PARD3: variants seen among roughly 807,000 people sequenced by gnomAD.
PARD3 encodes partitioning defective 3 homolog.
In PARD3, 75 loss-of-function variants were observed where a neutral mutation model predicts 155.4. The observed-to-expected ratio is 0.48, with a 90% CI of 0.40 to 0.58. The LOEUF is 0.58. Ranked by LOEUF, PARD3 falls within the 20% of genes least tolerant of loss-of-function variation. PARD3 has a pLI of 0.00. For missense variants in PARD3, 1,642 were observed against 1,721.7 expected, an observed-to-expected ratio of 0.95 and a Z score of 0.82; for synonymous variants, 576 against 610.5, an observed-to-expected ratio of 0.94 and a Z score of 0.83.
chr10:34,671,766 C>T lies in PARD3; in HGVS notation c.222+24552G>A, dbSNP rs145574692. 2.7e-3 allele frequency among the ~76,000 whole-genome samples: 412 copies of T among 152,224 alleles called. 1 individual carries two copies. Among genetic ancestry groups the T allele is most frequent in the Middle Eastern group, 0.01 (3 of 294 alleles). ...ATCGCAAAGATCAGCATTAACTGTA[C>T]AATCTGTACTTCTGCAAGAATTCAG... On this transcript the variant is annotated intron_variant, in intron 2 of 24. Transcript: ENST00000374788.
At chr10:34,539,035 G>A (rs916788997) in intron 2 of PARD3, among the ~76,000 whole-genome samples, 3 of 152,176 alleles carry the variant, frequency 2.0e-5, no homozygotes, top group Non-Finnish European at 4.4e-5. Flanking sequence ...AAGATTATTT[G>A]TAGTATTTAT....
intron 3 of PARD3, among the ~76,000 whole-genome samples, chr10:34,485,666 A>G (rs1302410718): frequency 1.3e-5 from 2 of 152,214 alleles, no homozygotes; most frequent in African/African-American, 2.4e-5. Context: ...GTGGAGCCCA[A>G]GGTTCTTACT....
At chr10:34,573,760 C>A (rs977953989) in intron 2 of PARD3, among the ~76,000 whole-genome samples, 11 of 151,558 alleles carry the variant, frequency 7.3e-5, no homozygotes, top group African/African-American at 2.2e-4. Context: ...CACACACACA[C>A]ACACACACAC....
At chr10:34,221,504 T>C (rs187754822) in intron 22 of PARD3, among the ~76,000 whole-genome samples, 1 of 151,714 alleles carries the variant, frequency 6.6e-6, no homozygotes, top group Non-Finnish European at 1.5e-5. Flanking sequence ...ATGCATGACC[T>C]CACGTACTTA....
chr10:34,179,195 CACACAT>C (rs1423990910), intron 22 of PARD3, among the ~76,000 whole-genome samples: 69 of 147,092 alleles, frequency 4.7e-4, no homozygotes, highest in African/African-American at 1.8e-3. Flanking sequence ...CACACACACA[CACACAT>C]ATAAAATTTA....
At position 34,445,925 on chromosome 10, in the gene PARD3, G is replaced by C. The variant is rs572538525; in HGVS notation, c.714+4392C>G. On this transcript the variant is annotated intron_variant, in intron 5 of 24. Coordinates refer to ENST00000374788, the MANE Select transcript of PARD3 (RefSeq NM_001184785.2). ...CTGTGTTTCAGGGAAGGTAAAGAAG[G>C]GAGCTCCCACCGCAGCCCCAGTTCC... Among the ~76,000 whole-genome samples, 3 of 152,156 alleles carry C rather than the reference G, an allele frequency of 2.0e-5. No homozygotes were observed. In the East Asian group the frequency reaches 5.8e-4, roughly 29 times the overall value.
chr10:34,578,654 T>C (rs12257707), intron 2 of PARD3, among the ~76,000 whole-genome samples: 4,367 of 152,274 alleles, frequency 0.029, 211 homozygotes, highest in African/African-American at 0.099. Context: ...AAACATCAAG[T>C]ACTTTGTGGA....
At chr10:34,413,144 TACACACACACAC>T (rs146779470) in intron 5 of PARD3, among the ~76,000 whole-genome samples, 11 of 145,996 alleles carry the variant, frequency 7.5e-5, no homozygotes, top group South Asian at 4.4e-4. Context: ...CAGATATATA[TACACACACACAC>T]ACACACACAC....
At chr10:34,470,327 A>ATTTCCCTACGTTCTCCTAACAT in intron 3 of PARD3, 64 bp from the exon 4 acceptor site, 1 of 1,215,596 alleles carries the variant, frequency 8.2e-7, no homozygotes, top group Non-Finnish European at 1.1e-6. Context: ...ACATGTTAGG[A>ATTTCCCTACGTTCTCCTAACAT]GAACGTAGGG....
In PARD3 at chr10:34,360,142, G is replaced by A. The variant is rs756703614; in HGVS notation, c.1825C>T (p.Arg609Trp). The change falls in exon 13 of 25, where the codon CGG (arginine) becomes TGG (tryptophan). Residue 609 changes from arginine to tryptophan, a missense_variant. Physicochemically the swap from Arg to Trp is moderately radical, Grantham distance 101. This residue lies in a region of PARD3 where 1,529 missense variants were observed against 1,587.3 expected (regional missense o/e 0.96). Coordinates refer to ENST00000374788, the MANE Select transcript of PARD3 (RefSeq NM_001184785.2). ...AGLGVSVKGN[R>W]SKENHADLGI... ...AAATCTGCGTGGTTCTCTTTTGACC[G>A]GTTACCTTTGACACTGACACCAAGG... 24 of 1,613,878 alleles carry A rather than the reference G, an allele frequency of 1.5e-5. No homozygotes were observed. Among genetic ancestry groups the A allele is most frequent in the Admixed American group, 3.3e-5 (2 of 59,986 alleles).
At chr10:34,248,887 A>C (rs1954123613) in intron 22 of PARD3, among the ~76,000 whole-genome samples, 1 of 152,250 alleles carries the variant, frequency 6.6e-6, no homozygotes, top group South Asian at 2.1e-4. Flanking sequence ...ATCAATAAAT[A>C]TTCCAAAGGT....
At chr10:34,642,557 C>G (rs2092711912) in intron 2 of PARD3, among the ~76,000 whole-genome samples, 1 of 152,106 alleles carries the variant, frequency 6.6e-6, no homozygotes, top group South Asian at 2.1e-4. Flanking sequence ...GTTTGATTAC[C>G]TGCACAAACT....
At chr10:34,438,517 A>G (rs1564713363) in intron 5 of PARD3, among the ~76,000 whole-genome samples, 1 of 152,154 alleles carries the variant, frequency 6.6e-6, no homozygotes, top group Non-Finnish European at 1.5e-5. Flanking sequence ...ATGGCATTAT[A>G]AAAGAGTCAA....
chr10:34,167,446 C>T (rs781436882), intron 22 of PARD3, among the ~76,000 whole-genome samples: 20 of 151,650 alleles, frequency 1.3e-4, no homozygotes, highest in Admixed American at 6.6e-4. Flanking sequence ...GCGTGGTTTT[C>T]GTGAAAAGGT....
intron 1 of PARD3, among the ~76,000 whole-genome samples, chr10:34,771,529 A>G (rs75787859): frequency 0.024 from 3,701 of 152,344 alleles, 61 homozygotes; most frequent in Middle Eastern, 0.082. Context: ...ATGCAAAACA[A>G]TTTTTTAAAA....
intron 20 of PARD3, among the ~76,000 whole-genome samples, chr10:34,293,688 C>A (rs559863465): frequency 1.8e-3 from 277 of 152,172 alleles, no homozygotes; most frequent in Middle Eastern, 3.4e-3. Context: ...TAATACAATA[C>A]TACAAATTGC....
chr10:34,639,919 G>A (rs760051998), intron 2 of PARD3, among the ~76,000 whole-genome samples: 1 of 152,126 alleles, frequency 6.6e-6, no homozygotes, highest in Non-Finnish European at 1.5e-5. Context: ...AGAGTGTTAT[G>A]AGAATCCATT....
chr10:34,666,808 TATATATATACACACAC>T (rs1224668561), intron 2 of PARD3, among the ~76,000 whole-genome samples: 1,423 of 77,896 alleles, frequency 0.018, 31 homozygotes, highest in African/African-American at 0.067. Context: ...TATATATATA[TATATATATACACACAC>T]ACACACACAC....
chr10:34,356,258 G>T (rs570842284), intron 14 of PARD3, among the ~76,000 whole-genome samples: 1 of 152,214 alleles, frequency 6.6e-6, no homozygotes, highest in Admixed American at 6.5e-5. Flanking sequence ...TAAATTTAAA[G>T]AAAACACATT....
Sources: allele counts gnomAD v4.1 joint callset (sites outside exome capture counted in the v4.1 genomes callset), GRCh38; gene constraint gnomAD v4.1.1; regional missense constraint gnomAD v4.1.1; transcripts MANE v1.5; gene names NCBI Gene and HGNC (gene_info 2026-07-23, HGNC 2026-07-21).